Variants in SLC33A1 observed in about 807,000 individuals in gnomAD.
SLC33A1 encodes solute carrier family 33 member 1, also known as acetyl-coenzyme A transporter 1.
Under a neutral mutation model 50.0 loss-of-function variants are expected in SLC33A1, and 20 were observed. The observed-to-expected ratio is 0.40, with a 90% CI of 0.28 to 0.58. The LOEUF (loss-of-function observed/expected upper bound fraction) is 0.58, where lower values mean the gene tolerates loss of function less well. Among genes scored for constraint, SLC33A1 ranks in the 20% least tolerant of loss-of-function variants. The pLI is 0.44. For missense variants in SLC33A1, 476 were observed against 657.0 expected (o/e 0.72, Z 3.01); for synonymous variants, 265 against 251.8 (o/e 1.05, Z -0.50).
In SLC33A1 at chr3:155,824,060, C is replaced by T. The variant is rs1357867001; in HGVS notation, c.*4150G>A. The T allele has an allele frequency of 6.6e-6, 1 of 152,090 alleles. No homozygotes were observed. The highest frequency in any genetic ancestry group is 1.9e-4 in the East Asian group (1 of 5,192). 9.4% of individuals were successfully genotyped at this position (152,090 alleles called of 1,614,324 possible). Reference sequence around the variant, plus strand: ...TCCCTAAGAGAAAATAATTGTGCCTCGCTATCTACCAAAGACATTGGTTAA... The same window carrying T: ...TCCCTAAGAGAAAATAATTGTGCCTTGCTATCTACCAAAGACATTGGTTAA... On this transcript the variant is annotated 3_prime_UTR_variant, in exon 6 of 6. Coordinates refer to ENST00000643144, the MANE Select transcript of SLC33A1 (RefSeq NM_004733.4).
chr3:155,847,340 G>A (rs1293999055), intron 1 of SLC33A1, among the ~76,000 whole-genome samples: 21 of 152,300 alleles, frequency 1.4e-4, no homozygotes, highest in African/African-American at 5.1e-4. Context: ...GGGTCAATTA[G>A]TCTTTTCCAA....
intron 5 of SLC33A1, among the ~76,000 whole-genome samples, chr3:155,828,948 G>T (rs1577454877): frequency 6.7e-6 from 1 of 150,152 alleles, no homozygotes; most frequent in Admixed American, 6.7e-5. Flanking sequence ...TGTCGCCCAG[G>T]CTGGAGTACA....
intron 1 of SLC33A1, among the ~76,000 whole-genome samples, chr3:155,846,416 A>C (rs1753176882): frequency 6.6e-6 from 1 of 151,678 alleles, no homozygotes; most frequent in African/African-American, 2.4e-5. Flanking sequence ...TTTAGCTCCA[A>C]CCATGAGGTC....
rs974663744 is a variant in SLC33A1, at chr3:155,848,821, C to G, written c.775+4402G>C. Among the ~76,000 whole-genome samples, 4 of 152,204 alleles carry G rather than the reference C, an allele frequency of 2.6e-5. No individual in the cohort carries two copies. The South Asian group carries it at 8.3e-4, about 32-fold the overall frequency. On this transcript the variant is annotated intron_variant, in intron 1 of 5. Transcript: ENST00000643144. ...TCTGTCCCCTCCAACTCAGATGACT[C>G]ATTTACATTATCTATCTACCCAATA...
At chr3:155,834,539 G>C (rs1028070625) in intron 2 of SLC33A1, among the ~76,000 whole-genome samples, 1 of 152,056 alleles carries the variant, frequency 6.6e-6, no homozygotes, top group Non-Finnish European at 1.5e-5. Flanking sequence ...GTATCTGAGA[G>C]ATTGAATAAA....
intron 2 of SLC33A1, among the ~76,000 whole-genome samples, chr3:155,840,161 C>T (rs1003894857): frequency 1.3e-5 from 2 of 151,260 alleles, no homozygotes; most frequent in African/African-American, 4.9e-5. Context: ...GATCTCGGCT[C>T]ACTGCAACCT....
Position 155,849,184 on chromosome 3 carries a change from G to T in SLC33A1, c.775+4039C>A, listed in dbSNP as rs767004138. On this transcript the variant is annotated intron_variant, in intron 1 of 5. Transcript: ENST00000643144. Reference sequence around the variant, plus strand: ...CCCACCTCAGCCTCCCAAAGTGCTAGGATTACAGGTGTGAGCCGCTGCACC... The same window carrying T: ...CCCACCTCAGCCTCCCAAAGTGCTATGATTACAGGTGTGAGCCGCTGCACC... Among the ~76,000 whole-genome samples the T allele has an allele frequency of 9.3e-4, 142 of 152,166 alleles. 1 individual carries two copies. Among genetic ancestry groups the T allele is most frequent in the Admixed American group, 1.7e-3 (26 of 15,266 alleles).
intron 2 of SLC33A1, among the ~76,000 whole-genome samples, chr3:155,839,364 ACT>A (rs1452104821): frequency 6.2e-4 from 66 of 106,086 alleles, no homozygotes; most frequent in Middle Eastern, 4.7e-3. Flanking sequence ...ACAAAGCGAG[ACT>A]CTGTCTCAAA....
chr3:155,821,580 C>CCT lies in SLC33A1; in HGVS notation c.*6628_*6629dup, dbSNP rs934640082. ...CTCCCGGGTTCAAGCGATTCTCCTG[C>CCT]CTCAGCCTCCCGAGTAGATGGGATT... is the stretch of plus-strand genomic sequence containing the variant. On this transcript the variant is annotated 3_prime_UTR_variant, in exon 6 of 6. Coordinates refer to ENST00000643144, the MANE Select transcript of SLC33A1 (RefSeq NM_004733.4). 8.5e-5 allele frequency: 13 copies of CCT among 152,388 alleles called. No homozygotes were observed. Among genetic ancestry groups the CCT allele is most frequent in the Middle Eastern group, 3.4e-3 (1 of 298 alleles). The allele number at this position is 152,388 out of a possible 1,614,324, so 9.4% of individuals were successfully genotyped here. A position where few individuals can be genotyped will look rare whatever the true frequency, so the allele number is the denominator to read the frequency against.
chr3:155,842,745 A>G lies in SLC33A1; in HGVS notation c.776-126T>C, dbSNP rs546191257. The G allele has an allele frequency of 1.4e-5, 8 of 564,700 alleles. No homozygotes were observed. The African/African-American group carries it at 1.5e-4, about 11-fold the overall frequency. 35.0% of individuals were successfully genotyped at this position (564,700 alleles called of 1,614,324 possible). A position where few individuals can be genotyped will look rare whatever the true frequency, so the allele number is the denominator to read the frequency against. On this transcript the variant is annotated intron_variant, in intron 1 of 5. Coordinates refer to ENST00000643144, the MANE Select transcript of SLC33A1 (RefSeq NM_004733.4). ...AAAAATTAGCCAAGTACAGGTGCTC[A>G]TGCCTGTAATCCTAGCACTTTGGGA...
chr3:155,852,793 C>A (rs1160934803), intron 1 of SLC33A1, among the ~76,000 whole-genome samples: 1 of 152,086 alleles, frequency 6.6e-6, no homozygotes, highest in African/African-American at 2.4e-5. Flanking sequence ...AATGTTTGAA[C>A]GAATAAACCC....
chr3:155,833,714 A>G, intron 3 of SLC33A1, 129 bp from the exon 4 acceptor site: 1 of 938,268 alleles, frequency 1.1e-6, no homozygotes, highest in Middle Eastern at 2.2e-4. Context: ...TAAAAAGATA[A>G]AAGTGCATAT....
At chr3:155,832,911 A>G (rs368481264) in intron 4 of SLC33A1, among the ~76,000 whole-genome samples, 23 of 152,150 alleles carry the variant, frequency 1.5e-4, no homozygotes, top group African/African-American at 5.3e-4. Context: ...CTAAAATGTA[A>G]CAAATACTTG....
intron 1 of SLC33A1, chr3:155,844,998 T>C (rs1753114142): frequency 1.3e-5 from 2 of 152,188 alleles, no homozygotes; most frequent in South Asian, 2.1e-4. Flanking sequence ...ATGACTTCTT[T>C]AGAGTTTCAC....
At position 155,821,062 on chromosome 3, in the gene SLC33A1, C is replaced by T. The variant is rs1752072956; in HGVS notation, c.*7148G>A. The T allele has an allele frequency of 6.6e-6, 1 of 152,084 alleles. No individual in the cohort carries two copies. Among genetic ancestry groups the T allele is most frequent in the Admixed American group, 6.6e-5 (1 of 15,254 alleles). The allele number at this position is 152,084 out of a possible 1,614,324, so 9.4% of individuals were successfully genotyped here. On this transcript the variant is annotated 3_prime_UTR_variant, in exon 6 of 6. Coordinates refer to ENST00000643144, the MANE Select transcript of SLC33A1 (RefSeq NM_004733.4). The stretch of plus-strand genomic sequence containing the variant: ...TTATTTTTTAGAGAATCACTTTAAG[C>T]AATTAAATAACCATTTATCTAAAAC...
intron 2 of SLC33A1, 28 bp downstream of exon 2, chr3:155,842,404 T>A (rs1249262662): frequency 2.1e-6 from 3 of 1,460,644 alleles, no homozygotes; most frequent in Non-Finnish European, 2.9e-6. Context: ...TATAAGAAAA[T>A]GATAAATTTG....
At position 155,829,870 on chromosome 3, in the gene SLC33A1, C is replaced by T. The variant is rs1252296385; in HGVS notation, c.1300G>A (p.Ala434Thr). Residue 434 changes from alanine (A) to threonine (T), a missense_variant, in exon 5 of 6, where the codon GCT becomes ACT. Ala to Thr is a moderately conservative substitution (Grantham distance 58). Coordinates refer to ENST00000643144, the MANE Select transcript of SLC33A1 (RefSeq NM_004733.4). The stretch of plus-strand genomic sequence containing the variant: ...GGATCACTAACCTTTGCATTGAAAG[C>T]CATTATAGAAACATACATGCTGTAC... ...TVYSMYVSIM[A>T]FNAKVSDPLI... 2 of 1,613,166 alleles carry T rather than the reference C, an allele frequency of 1.2e-6. No homozygotes were observed. The highest frequency in any genetic ancestry group is 1.7e-6 in the Non-Finnish European group (2 of 1,179,274).
chr3:155,843,629 G>C (rs1753011998), intron 1 of SLC33A1, among the ~76,000 whole-genome samples: 1 of 152,036 alleles, frequency 6.6e-6, no homozygotes. Flanking sequence ...CATACAACGT[G>C]ACAAAAATAT....
intron 5 of SLC33A1, 100 bp downstream of exon 5, chr3:155,829,588 G>T: frequency 2.4e-6 from 2 of 849,704 alleles, no homozygotes; most frequent in Non-Finnish European, 3.9e-6. Flanking sequence ...CCTATGGACA[G>T]ATATGATTTT....
Sources: allele counts gnomAD v4.1 joint callset (sites outside exome capture counted in the v4.1 genomes callset), GRCh38; gene constraint gnomAD v4.1.1; transcripts MANE v1.5; gene names NCBI Gene and HGNC (gene_info 2026-07-23, HGNC 2026-07-21).